The following THSD7A variants were observed in gnomAD, a reference collection of about 807,000 sequenced individuals.
THSD7A encodes thrombospondin type 1 domain containing 7A, also known as thrombospondin type-1 domain-containing protein 7A.
Under a neutral mutation model 231.3 loss-of-function variants are expected in THSD7A, and 96 were observed. The ratio of observed to expected loss-of-function variants is 0.41; its 90% CI spans 0.35 to 0.49. The LOEUF (loss-of-function observed/expected upper bound fraction) is 0.49. THSD7A is among the 20% of genes least tolerant of loss of function. The probability of loss-of-function intolerance (pLI) is 0.05; values close to 1 mark genes in which losing one functional copy is unlikely to be tolerated. For missense variants in THSD7A, 2,290 were observed against 2,070.2 expected, an observed-to-expected ratio of 1.11 and a Z score of -2.06; for synonymous variants, 940 against 743.3, an observed-to-expected ratio of 1.26 and a Z score of -4.30.
chr7:11,624,477 C>A (rs975813986), intron 2 of THSD7A, among the ~76,000 whole-genome samples: 1 of 152,044 alleles, frequency 6.6e-6, no homozygotes, highest in African/African-American at 2.4e-5. Context: ...CCTGCTCATT[C>A]GACTTCTCAG....
intron 23 of THSD7A, among the ~76,000 whole-genome samples, chr7:11,391,779 C>T (rs1175307057): frequency 6.6e-6 from 1 of 152,146 alleles, no homozygotes; most frequent in Admixed American, 6.5e-5. Flanking sequence ...CTGCGGGTTG[C>T]AAAGACTGCG....
chr7:11,714,016 T>C (rs1781049289), intron 1 of THSD7A, among the ~76,000 whole-genome samples: 1 of 151,192 alleles, frequency 6.6e-6, no homozygotes, highest in African/African-American at 2.4e-5. Context: ...AATGCTTTTA[T>C]TTGTTGAAAA....
Position 11,596,662 on chromosome 7 carries a change from G to A in THSD7A, c.1023-3160C>T, listed in dbSNP as rs139500716. The stretch of plus-strand genomic sequence containing the variant: ...TGCCACCATCAAGGACCTGAAAGAC[G>A]CAGGGGTGGTGATTCCTACCACATC... On this transcript the variant is annotated intron_variant, in intron 2 of 27. Coordinates refer to ENST00000423059, the MANE Select transcript of THSD7A (RefSeq NM_015204.3). 2.8e-3 allele frequency among the ~76,000 whole-genome samples: 423 copies of A among 152,314 alleles called. 2 individuals carry two copies. Among genetic ancestry groups the A allele is most frequent in the African/African-American group, 9.5e-3 (393 of 41,568 alleles).
At chr7:11,789,099 C>A (rs1303587350) in intron 1 of THSD7A, among the ~76,000 whole-genome samples, 2 of 151,704 alleles carry the variant, frequency 1.3e-5, no homozygotes, top group Non-Finnish European at 2.9e-5. Context: ...GAACACTAAG[C>A]TAAATTACCA....
chr7:11,415,843 G>A (rs549931466), intron 17 of THSD7A, among the ~76,000 whole-genome samples: 1 of 152,154 alleles, frequency 6.6e-6, no homozygotes, highest in African/African-American at 2.4e-5. Context: ...CATTTTGTTT[G>A]TCACAAAAGT....
intron 1 of THSD7A, among the ~76,000 whole-genome samples, chr7:11,727,344 CTAA>C (rs1675321977): frequency 6.6e-6 from 1 of 151,852 alleles, no homozygotes; most frequent in Admixed American, 6.6e-5. Flanking sequence ...ACTTTTCATT[CTAA>C]TAACAGCAAT....
chr7:11,817,861 C>T (rs190934326), intron 1 of THSD7A, among the ~76,000 whole-genome samples: 14 of 150,906 alleles, frequency 9.3e-5, no homozygotes, highest in Non-Finnish European at 1.8e-4. Flanking sequence ...GAAGTCTGTT[C>T]TTAAACATCT....
At chr7:11,519,762 T>C (rs1788184573) in intron 6 of THSD7A, among the ~76,000 whole-genome samples, 1 of 152,302 alleles carries the variant, frequency 6.6e-6, no homozygotes, top group Admixed American at 6.5e-5. Flanking sequence ...GTGTTCTTGA[T>C]ATAGTTGTTG....
intron 2 of THSD7A, among the ~76,000 whole-genome samples, chr7:11,618,795 A>C (rs1781205847): frequency 6.6e-6 from 1 of 151,634 alleles, no homozygotes; most frequent in Non-Finnish European, 1.5e-5. Flanking sequence ...TGACTCAAAA[A>C]GAAAAAAAAA....
intron 1 of THSD7A, among the ~76,000 whole-genome samples, chr7:11,789,226 G>C (rs550538242): frequency 1.3e-5 from 2 of 152,134 alleles, no homozygotes; most frequent in East Asian, 3.9e-4. Flanking sequence ...TGAGAAATGG[G>C]AACAGAGTCA....
intron 1 of THSD7A, among the ~76,000 whole-genome samples, chr7:11,779,206 C>G (rs558917980): frequency 4.6e-5 from 7 of 152,268 alleles, no homozygotes; most frequent in Admixed American, 1.3e-4. Flanking sequence ...TTTACTTCAT[C>G]AATTCTATAA....
At chr7:11,787,702 A>T (rs1314097602) in intron 1 of THSD7A, among the ~76,000 whole-genome samples, 1 of 152,088 alleles carries the variant, frequency 6.6e-6, no homozygotes, top group Non-Finnish European at 1.5e-5. Context: ...GAACAATGAG[A>T]TACCACTGGA....
chr7:11,781,285 ATT>A (rs757174166), intron 1 of THSD7A, among the ~76,000 whole-genome samples: 2 of 136,708 alleles, frequency 1.5e-5, no homozygotes, highest in Non-Finnish European at 1.6e-5. Flanking sequence ...GTCTCTGCAC[ATT>A]TTTTTTTTTT....
In THSD7A at chr7:11,424,993, C is replaced by A. The variant is rs573456470; in HGVS notation, c.3250-164G>T. ...AATAGAGAGAACTCAAGAGTTCTAG[C>A]AGTAGAGGATAGGGCTAACCATATT... On this transcript the variant is annotated intron_variant, in intron 15 of 27. Transcript: ENST00000423059. Among the ~76,000 whole-genome samples, 49 of 152,272 alleles carry A rather than the reference C, an allele frequency of 3.2e-4. No individual in the cohort carries two copies. The highest frequency in any genetic ancestry group is 3.4e-3 in the Middle Eastern group (1 of 294).
At position 11,707,295 on chromosome 7, in the gene THSD7A, C is replaced by T. The variant is rs924040863; in HGVS notation, c.191-70334G>A. Among the ~76,000 whole-genome samples the T allele has an allele frequency of 1.1e-4, 17 of 150,982 alleles. No individual in the cohort carries two copies. In the East Asian group the frequency reaches 3.3e-3, roughly 30 times the overall value. Reference sequence around the variant, plus strand: ...ACAGTGGGAAGGTAATCATAGTATTCGTCTTTGCAAGATATTTTTGCCCTT... The same window carrying T: ...ACAGTGGGAAGGTAATCATAGTATTTGTCTTTGCAAGATATTTTTGCCCTT... On this transcript the variant is annotated intron_variant, in intron 1 of 27. Coordinates refer to ENST00000423059, the MANE Select transcript of THSD7A (RefSeq NM_015204.3).
At chr7:11,744,397 T>C (rs535562158) in intron 1 of THSD7A, among the ~76,000 whole-genome samples, 59 of 152,018 alleles carry the variant, frequency 3.9e-4, no homozygotes, top group African/African-American at 1.4e-3. Context: ...TGTGCTTGTA[T>C]CAATTTTTAT....
chr7:11,604,768 T>C (rs1315514011), intron 2 of THSD7A, among the ~76,000 whole-genome samples: 1 of 152,140 alleles, frequency 6.6e-6, no homozygotes, highest in Non-Finnish European at 1.5e-5. Context: ...AGTTTAACAT[T>C]AATTTCTTGA....
intron 2 of THSD7A, among the ~76,000 whole-genome samples, chr7:11,608,893 C>T (rs1034458721): frequency 2.0e-5 from 3 of 152,096 alleles, no homozygotes; most frequent in Non-Finnish European, 4.4e-5. Context: ...CTATTTCTCC[C>T]GATTCTTCAC....
chr7:11,434,856 C>A (rs549868574), intron 13 of THSD7A, among the ~76,000 whole-genome samples: 203 of 151,982 alleles, frequency 1.3e-3, no homozygotes, highest in African/African-American at 4.6e-3. Flanking sequence ...CTGGGGCAAC[C>A]AAATTACTAT....
Sources: gnomAD v4.1 joint callset for allele counts (sites outside exome capture counted in the v4.1 genomes callset) on GRCh38, gnomAD v4.1.1 for gene constraint, MANE v1.5 for transcripts, NCBI Gene and HGNC (gene_info 2026-07-23, HGNC 2026-07-21) for gene names.